Variants in TTN observed in about 807,000 individuals in gnomAD.
TTN encodes connectin.
Under a neutral mutation model 3,223.0 loss-of-function variants are expected in TTN, and 1,525 were observed. That is an observed-to-expected ratio of 0.47 (90% confidence interval 0.45 to 0.49). The LOEUF (loss-of-function observed/expected upper bound fraction) is 0.49, where lower values mean the gene tolerates loss of function less well. TTN is among the 20% of genes least tolerant of loss of function. The probability of loss-of-function intolerance (pLI) is 0.00; values close to 1 mark genes in which losing one functional copy is unlikely to be tolerated. For synonymous variants in TTN, 14,094 were observed against 15,161.0 expected (o/e 0.93, Z 5.17); for missense variants, 40,786 against 43,424.0 (o/e 0.94, Z 5.40).
In TTN at chr2:178,571,932, T is replaced by C. The variant is rs546829047; in HGVS notation, c.74200A>G (p.Lys24734Glu). ...CGGCCAATGAATGGAACATCAACTT[T>C]TAGGTCTTCACCTGCCAGTACAGTG... The part of the protein sequence containing the change: ...TFTVLAGEDL[K>E]VDVPFIGRPT... The change falls in exon 326 of 363, where the codon AAA (lysine) becomes GAA (glutamate). Residue 24734 changes from lysine (K) to glutamate (E), a missense_variant. Coordinates refer to ENST00000589042, the MANE Select transcript of TTN (RefSeq NM_001267550.2). The C allele has an allele frequency of 2.5e-6, 4 of 1,613,252 alleles. No homozygotes were observed. The South Asian group carries it at 4.4e-5, about 18-fold the overall frequency.
intron 154 of TTN, 42 bp downstream of exon 154, chr2:178,672,365 C>T: frequency 6.3e-7 from 1 of 1,598,864 alleles, no homozygotes; most frequent in Non-Finnish European, 8.5e-7. Context: ...TAAAGGATTG[C>T]ATGCAACAAT....
Position 178,731,754 on chromosome 2 carries a change from G to C in TTN, c.17121C>G (p.Tyr5707Ter). Reference sequence around the variant, plus strand: ...CCACCTCATTGGTCACCCGACACTGGTATTCGCCAGCATCTGCAGCTACAA... The same window carrying C: ...CCACCTCATTGGTCACCCGACACTGCTATTCGCCAGCATCTGCAGCTACAA... ...LKFVAADAGE[Y>*]QCRVTNEVGS... Residue 5707 changes from tyrosine (Y) to a stop codon, truncating the protein, a stop_gained, in exon 58 of 363, where the codon TAC becomes TAG. Coordinates refer to ENST00000589042, the MANE Select transcript of TTN (RefSeq NM_001267550.2). LOFTEE classifies it high-confidence loss of function. The C allele has an allele frequency of 6.2e-7, 1 of 1,613,760 alleles. No individual in the cohort carries two copies. The highest frequency in any genetic ancestry group is 8.5e-7 in the Non-Finnish European group (1 of 1,179,762).
intron 240 of TTN, among the ~76,000 whole-genome samples, chr2:178,628,131 G>A (rs529740570): frequency 5.3e-5 from 8 of 152,166 alleles, no homozygotes; most frequent in South Asian, 2.1e-4. Context: ...ACAGGCAGGC[G>A]TTACCTATCA....
chr2:178,566,306 G>C lies in TTN; in HGVS notation c.79826C>G (p.Ser26609Cys), dbSNP rs771678075. 1 of 1,613,666 alleles carries C rather than the reference G, an allele frequency of 6.2e-7. No homozygotes were observed. Among genetic ancestry groups the C allele is most frequent in the Non-Finnish European group, 8.5e-7 (1 of 1,179,692 alleles). ...TTTGAATGGAATGTGAATTCTGGCA[G>C]ATCCACCAGCTCTTACAACAATTCC... ...RKGIVVRAGG[S>C]ARIHIPFKGR... is the part of the protein sequence containing the mutation. Residue 26609 changes from serine to cysteine, a missense_variant, in exon 326 of 363, where the codon TCT becomes TGT. Transcript: ENST00000589042.
rs372380420 is a variant in TTN, at chr2:178,651,980, G to A, written c.39296-13C>T. 1.7e-4 allele frequency: 278 copies of A among 1,610,666 alleles called. 1 individual carries two copies. The African/African-American group carries it at 3.4e-3, about 20-fold the overall frequency. On this transcript the variant is annotated splice_polypyrimidine_tract_variant and intron_variant, in intron 204 of 362. Coordinates refer to ENST00000589042, the MANE Select transcript of TTN (RefSeq NM_001267550.2). ...GGCTCCTCGAACACTTTAAAGACAT[G>A]AGCTCATTTTAATGCCAGAATTGAC...
intron 222 of TTN, 60 bp from the exon 223 acceptor site, chr2:178,639,848 G>C: frequency 6.7e-7 from 1 of 1,496,470 alleles, no homozygotes; most frequent in Non-Finnish European, 9.0e-7. Flanking sequence ...AAACTTATTT[G>C]GTAGCTTATT....
intron 109 of TTN, 32 bp downstream of exon 109, chr2:178,702,008 A>C: frequency 6.2e-7 from 1 of 1,602,424 alleles, no homozygotes. Flanking sequence ...AATTTATTGT[A>C]AGCAAGGATT....
In TTN at chr2:178,570,063, G is replaced by A. The variant is rs145437410; in HGVS notation, c.76069C>T (p.Arg25357Cys). ...CTCAGGCGCAACTCTCCAATCAGAC[G>A]CTTATGGCATCTTGTCCATCTAATG... ...EGIRWTRCHK[R>C]LIGELRLRVT... The change falls in exon 326 of 363, where the codon CGT becomes TGT. Residue 25357 changes from arginine to cysteine, a missense_variant. By Grantham distance (180) the Arg-to-Cys change is radical. Coordinates refer to ENST00000589042, the MANE Select transcript of TTN (RefSeq NM_001267550.2). The A allele has an allele frequency of 2.5e-5, 41 of 1,613,334 alleles. No individual in the cohort carries two copies. In the East Asian group the frequency reaches 7.6e-4, roughly 30 times the overall value.
Position 178,741,730 on chromosome 2 carries a change from C to A in TTN, c.11503G>T (p.Asp3835Tyr), listed in dbSNP as rs1303962639. ...EVSNADISMGDVATLSVTVIG... is the reference protein window; with the variant it reads ...EVSNADISMGYVATLSVTVIG... ...ACAGTTACAGACAGTGTAGCCACAT[C>A]CCCCATGCTTATATCAGCATTTGAC... The change falls in exon 48 of 363, where the codon GAT (aspartate) becomes TAT (tyrosine). Residue 3835 changes from aspartate (D) to tyrosine (Y), a missense_variant. Asp to Tyr is a radical substitution (Grantham distance 160). Transcript: ENST00000589042. 1 of 1,613,682 alleles carries A rather than the reference C, an allele frequency of 6.2e-7. No homozygotes were observed. The highest frequency in any genetic ancestry group is 1.7e-5 in the Admixed American group (1 of 59,982).
At position 178,542,254 on chromosome 2, in the gene TTN, G is replaced by A. The variant is rs1694952574; in HGVS notation, c.97492+10C>T. 6.2e-7 allele frequency: 1 copy of A among 1,600,218 alleles called. No homozygotes were observed. Reference sequence around the variant, plus strand: ...GGTGGGGAGAGTGGTGGAAGGGCCTGTGGACTTACGGATGCTGCTGCGACA... The same window carrying A: ...GGTGGGGAGAGTGGTGGAAGGGCCTATGGACTTACGGATGCTGCTGCGACA... On this transcript the variant is annotated intron_variant, in intron 349 of 362. Transcript: ENST00000589042.
At chr2:178,707,888 A>G in intron 99 of TTN, 75 bp from the exon 100 acceptor site, 1 of 1,488,672 alleles carries the variant, frequency 6.7e-7, no homozygotes, top group Non-Finnish European at 9.0e-7. Flanking sequence ...AAACAAATAA[A>G]GAGAAAAACT....
At chr2:178,757,227 A>ATACTGTACTTGCTTTAAGTACAGTGAG in intron 45 of TTN, among the ~76,000 whole-genome samples, 1 of 150,194 alleles carries the variant, frequency 6.7e-6, no homozygotes, top group Non-Finnish European at 1.5e-5. Flanking sequence ...ACAGTAAGTA[A>ATACTGTACTTGCTTTAAGTACAGTGAG]TAATCAGCAA....
chr2:178,715,351 T>C (rs2077326908), intron 89 of TTN, 87 bp from the exon 90 acceptor site: 19 of 1,509,550 alleles, frequency 1.3e-5, no homozygotes, highest in South Asian at 8.2e-5. Context: ...ATCAGAGAGA[T>C]AGAGAGTGAA....
In TTN at chr2:178,557,815, G is replaced by A. The variant is rs375586936; in HGVS notation, c.87539C>T (p.Thr29180Ile). Residue 29180 changes from threonine to isoleucine, a missense_variant, in exon 328 of 363, where the codon ACA becomes ATA. By Grantham distance (89) the Thr-to-Ile change is moderately conservative. Transcript: ENST00000589042. The stretch of plus-strand genomic sequence containing the variant: ...CACTTCAGTCCACACTGCAGTACTT[G>A]TTTCTCTTTTGAGTAGAATGTAGTT... Reference protein sequence around the residue: ...VTNYILLKRETSTAVWTEVSA... With the variant: ...VTNYILLKREISTAVWTEVSA... 3 of 1,613,942 alleles carry A rather than the reference G, an allele frequency of 1.9e-6. No individual in the cohort carries two copies. In the African/African-American group the frequency reaches 4.0e-5, roughly 22 times the overall value.
chr2:178,781,310 T>A, intron 20 of TTN, 47 bp from the exon 21 acceptor site: 1 of 1,606,766 alleles, frequency 6.2e-7, no homozygotes, highest in South Asian at 1.1e-5. Flanking sequence ...CAACAACTCT[T>A]CTGTGGGTAA....
At chr2:178,690,711 G>A (rs771021944) in intron 121 of TTN, among the ~76,000 whole-genome samples, 13 of 151,994 alleles carry the variant, frequency 8.6e-5, no homozygotes, top group Admixed American at 2.6e-4. Context: ...ACCTCTGCAC[G>A]TGCATTTGTA....
Position 178,599,439 on chromosome 2 carries a change from G to A in TTN, c.56354C>T (p.Pro18785Leu). The change falls in exon 290 of 363, where the codon CCT (proline) becomes CTT (leucine). Residue 18785 changes from proline (P) to leucine (L), a missense_variant. By Grantham distance (98) the Pro-to-Leu change is moderately conservative. Coordinates refer to ENST00000589042, the MANE Select transcript of TTN (RefSeq NM_001267550.2). ...KEMRLNVLGR[P>L]GPPVGPIKFE... Reference sequence around the variant, plus strand: ...TTTTATGGGTCCCACTGGAGGGCCAGGACGACCTAAAATGGTTTAAAGAAG... The same window carrying A: ...TTTTATGGGTCCCACTGGAGGGCCAAGACGACCTAAAATGGTTTAAAGAAG... 1 of 1,531,538 alleles carries A rather than the reference G, an allele frequency of 6.5e-7. No homozygotes were observed. Among genetic ancestry groups the A allele is most frequent in the Non-Finnish European group, 8.8e-7 (1 of 1,142,744 alleles). 94.9% of individuals were successfully genotyped at this position (1,531,538 alleles called of 1,614,324 possible).
rs1401200720 is a variant in TTN at position 178,535,988 on chromosome 2, C to T, written c.100759G>A (p.Val33587Met). ...GSVSGTASLE[V>M]EVPAKIHLPK... Reference sequence around the variant, plus strand: ...ATAATTTATTTATTTTTACCTTCCACTTCCAAGGAGGCAGTGCCAGACACA... The same window carrying T: ...ATAATTTATTTATTTTTACCTTCCATTTCCAAGGAGGCAGTGCCAGACACA... Residue 33587 changes from valine to methionine, a missense_variant, in exon 357 of 363, where the codon GTG (valine) becomes ATG (methionine). Val to Met is a conservative substitution (Grantham distance 21). Transcript: ENST00000589042. The T allele has an allele frequency of 6.5e-7, 1 of 1,530,200 alleles. No homozygotes were observed. Among genetic ancestry groups the T allele is most frequent in the Admixed American group, 2.2e-5 (1 of 45,508 alleles). 94.8% of individuals were successfully genotyped at this position (1,530,200 alleles called of 1,614,324 possible).
chr2:178,740,282 A>C lies in TTN; in HGVS notation c.12951T>G (p.Asp4317Glu). The part of the protein sequence containing the change: ...SANPLENAGQ[D>E]SAVRIEEGKS... ...TGCCTTCCTCAATTCTGACCGCAGAATCTTGCCCTGCATTTTCCAGTGGAT... is the reference window on the plus strand; with the variant it reads ...TGCCTTCCTCAATTCTGACCGCAGACTCTTGCCCTGCATTTTCCAGTGGAT... Residue 4317 changes from aspartate to glutamate, a missense_variant, in exon 48 of 363, where the codon GAT (aspartate) becomes GAG (glutamate). By Grantham distance (45) the Asp-to-Glu change is conservative (BLOSUM62 2). Transcript: ENST00000589042. 6.2e-7 allele frequency: 1 copy of C among 1,613,716 alleles called. No individual in the cohort carries two copies.
Sources: allele counts gnomAD v4.1 joint callset (sites outside exome capture counted in the v4.1 genomes callset), GRCh38; gene constraint gnomAD v4.1.1; transcripts MANE v1.5; gene names NCBI Gene and HGNC (gene_info 2026-07-23, HGNC 2026-07-21).